Variants in TAF1 observed in about 807,000 individuals in gnomAD.
TAF1 encodes TATA-box binding protein associated factor 1, also known as transcription initiation factor TFIID subunit 1.
In TAF1, 2 loss-of-function variants were observed where a neutral mutation model predicts 138.5. That is an observed-to-expected ratio of 0.01 (90% confidence interval 0.01 to 0.05). The LOEUF (loss-of-function observed/expected upper bound fraction) is 0.05. TAF1 is among the 10% of genes least tolerant of loss of function. TAF1 has a pLI of 1.00. For missense variants in TAF1, 709 were observed against 1,478.0 expected, an observed-to-expected ratio of 0.48 and a Z score of 8.53; for synonymous variants, 437 against 503.2, an observed-to-expected ratio of 0.87 and a Z score of 1.76.
chrX:71,451,389 T>G (rs1261897041), intron 32 of TAF1, among the ~76,000 whole-genome samples: 1 of 112,133 alleles, frequency 8.9e-6, no homozygotes, highest in Non-Finnish European at 1.9e-5. Flanking sequence ...TTTGGGAAAT[T>G]TGACTCTTGG....
At chrX:71,437,668 AAG>A (rs1291095661) in intron 32 of TAF1, among the ~76,000 whole-genome samples, 6 of 108,945 alleles carry the variant, frequency 5.5e-5, no homozygotes, top group Non-Finnish European at 9.5e-5. Context: ...AAAAAAGAAA[AAG>A]AGAAATATTT....
chrX:71,444,246 G>T (rs1183182487), intron 32 of TAF1, among the ~76,000 whole-genome samples: 1 of 112,222 alleles, frequency 8.9e-6, no homozygotes, highest in African/African-American at 3.2e-5. Context: ...GACCTCAAGT[G>T]ATCTGCCTTC....
chrX:71,371,609 C>T (rs2033062437), intron 3 of TAF1, among the ~76,000 whole-genome samples: 1 of 111,821 alleles, frequency 8.9e-6, no homozygotes. Flanking sequence ...TTTATGTATG[C>T]ATTACTTGGG....
chrX:71,449,963 G>A (rs749037285), intron 32 of TAF1, among the ~76,000 whole-genome samples: 40 of 111,143 alleles, frequency 3.6e-4, no homozygotes, highest in Non-Finnish European at 6.4e-4. Context: ...TGTATAGACA[G>A]AGTTTCGCCA....
chrX:71,401,881 G>A (rs2035190726), intron 25 of TAF1, 142 bp downstream of exon 25: 8 of 575,849 alleles, frequency 1.4e-5, no homozygotes, highest in East Asian at 3.5e-5. Context: ...CTCAGTTATT[G>A]TTGCCAGTAA....
intron 32 of TAF1, among the ~76,000 whole-genome samples, chrX:71,431,771 C>A (rs1473245093): frequency 9.1e-6 from 1 of 110,444 alleles, no homozygotes; most frequent in Admixed American, 9.7e-5. Context: ...AAAAAATTAG[C>A]TGGGCATGGT....
At chrX:71,496,301 G>A (rs942070372) in intron 13 of TAF1, among the ~76,000 whole-genome samples, 8 of 112,156 alleles carry the variant, frequency 7.1e-5, no homozygotes, top group African/African-American at 1.3e-4. Flanking sequence ...GGAAGGCTAC[G>A]GGTTGTCAGT....
chrX:71,379,128 T>TTC (rs2033688728), intron 8 of TAF1, 97 bp downstream of exon 8: 12 of 774,920 alleles, frequency 1.5e-5, no homozygotes, highest in African/African-American at 4.7e-5. Flanking sequence ...TTTTTTTTTT[T>TTC]CGGTGAGACA....
chrX:71,529,454 TC>T (rs2040063937), intron 14 of TAF1: 1 of 221,831 alleles, frequency 4.5e-6, no homozygotes, highest in African/African-American at 3.0e-5. Context: ...TTTACAATCT[TC>T]TTGTAAGACA....
intron 13 of TAF1, among the ~76,000 whole-genome samples, chrX:71,494,514 T>C (rs1224728988): frequency 8.9e-6 from 1 of 112,526 alleles, no homozygotes; most frequent in Non-Finnish European, 1.9e-5. Context: ...GTATTTTATG[T>C]GTGGCCCAAG....
intron 3 of TAF1, among the ~76,000 whole-genome samples, chrX:71,374,331 G>A (rs754080740): frequency 1.8e-5 from 2 of 111,418 alleles, no homozygotes; most frequent in East Asian, 5.6e-4. Flanking sequence ...TGATCTGCCC[G>A]CCTCAGCCTC....
Position 71,388,831 on chromosome X carries a change from C to T in TAF1, c.2663C>T (p.Ala888Val). 8.3e-7 allele frequency: 1 copy of T among 1,210,667 alleles called. No homozygotes were observed. The highest frequency in any genetic ancestry group is 1.7e-5 in the African/African-American group (1 of 57,648). Residue 888 changes from alanine (A) to valine (V), a missense_variant, in exon 17 of 38, where the codon GCT becomes GTT. Physicochemically the swap from Ala to Val is moderately conservative, Grantham distance 64. Transcript: ENST00000423759. ...RAMVSPEQCC[A>V]YYSMIAAEQR... ...ATGGTGTCACCAGAGCAGTGCTGTG[C>T]TTATTATAGCATGATAGCTGCAGAG...
At chrX:71,498,808 G>A (rs1033530325) in intron 13 of TAF1, among the ~76,000 whole-genome samples, 5 of 111,802 alleles carry the variant, frequency 4.5e-5, no homozygotes, top group Admixed American at 2.9e-4. Flanking sequence ...TGTGAAAAGA[G>A]CAAAGTCTCC....
chrX:71,524,516 T>G (rs1236113008), intron 13 of TAF1, among the ~76,000 whole-genome samples: 1 of 111,180 alleles, frequency 9.0e-6, no homozygotes, highest in African/African-American at 3.3e-5. Flanking sequence ...TATGGCTTTG[T>G]GTCTTTTCTG....
At chrX:71,440,603 G>A (rs1172441515) in intron 32 of TAF1, among the ~76,000 whole-genome samples, 1 of 108,882 alleles carries the variant, frequency 9.2e-6, no homozygotes, top group Non-Finnish European at 1.9e-5. Flanking sequence ...ACCCAATGTC[G>A]TCACACTTAC....
chrX:71,424,329 G>A (rs1051445041), intron 32 of TAF1, 91 bp downstream of exon 32: 2 of 718,539 alleles, frequency 2.8e-6, no homozygotes, highest in Non-Finnish European at 4.0e-6. Context: ...TTTTTTTTGA[G>A]ACAGGATCTT....
chrX:71,413,265 CTG>C (rs1172905984), intron 28 of TAF1, among the ~76,000 whole-genome samples: 1 of 111,907 alleles, frequency 8.9e-6, no homozygotes, highest in African/African-American at 3.2e-5. Context: ...AACTGCCAAA[CTG>C]TTTGCCAGAG....
chrX:71,503,296 G>A (rs201606750), intron 13 of TAF1, among the ~76,000 whole-genome samples: 58 of 78,056 alleles, frequency 7.4e-4, no homozygotes, highest in African/African-American at 1.7e-3. Context: ...ATATATATAT[G>A]TGTATATATA....
intron 32 of TAF1, among the ~76,000 whole-genome samples, chrX:71,434,611 C>T (rs932018366): frequency 1.8e-5 from 2 of 112,042 alleles, no homozygotes; most frequent in African/African-American, 6.5e-5. Flanking sequence ...TGGACATAAA[C>T]GGCATGTATC....
Sources: allele counts gnomAD v4.1 joint callset (sites outside exome capture counted in the v4.1 genomes callset), GRCh38; gene constraint gnomAD v4.1.1; transcripts MANE v1.5; gene names NCBI Gene and HGNC (gene_info 2026-07-23, HGNC 2026-07-21).